FAM184B: variants seen among roughly 807,000 people sequenced by gnomAD.
The protein encoded by FAM184B is protein FAM184B.
A neutral mutation model predicts 135.9 loss-of-function variants in FAM184B; 111 were observed. That is an observed-to-expected ratio of 0.82 (90% CI 0.70 to 0.96). FAM184B has a LOEUF of 0.96. FAM184B is among the 40% of genes least tolerant of loss of function. The pLI, the probability that FAM184B is intolerant of heterozygous loss-of-function variation, is 0.00. For missense variants in FAM184B, 1,375 were observed against 1,323.9 expected (o/e 1.04, Z -0.60); for synonymous variants, 552 against 524.8 (o/e 1.05, Z -0.71).
chr4:17,640,940 GT>G (rs748595253), intron 13 of FAM184B, among the ~76,000 whole-genome samples: 110 of 152,140 alleles, frequency 7.2e-4, no homozygotes, highest in Non-Finnish European at 1.2e-3. Context: ...TGTTTTGTTT[GT>G]TTTGTTTTTT....
At chr4:17,674,674 T>G (rs1716271667) in intron 7 of FAM184B, among the ~76,000 whole-genome samples, 3 of 152,226 alleles carry the variant, frequency 2.0e-5, no homozygotes, top group Admixed American at 2.0e-4. Flanking sequence ...GAGGCAATCC[T>G]CTCAAACTGT....
At chr4:17,756,695 A>G (rs934505657) in intron 1 of FAM184B, among the ~76,000 whole-genome samples, 2 of 152,122 alleles carry the variant, frequency 1.3e-5, no homozygotes, top group African/African-American at 4.8e-5. Context: ...AAGGCTGAGG[A>G]GGGCAGATCA....
rs114752551 is a variant in FAM184B at position 17,779,624 on chromosome 4, A to C, written c.141+1535T>G. 4.8e-3 allele frequency among the ~76,000 whole-genome samples: 732 copies of C among 152,356 alleles called. 1 individual carries two copies. The highest frequency in any genetic ancestry group is 0.01 in the Middle Eastern group (3 of 294). ...ATATCTTACTAATTGTTATGCCATC[A>C]ACATTCAGCATAGCAGCTGGCACAT... On this transcript the variant is annotated intron_variant, in intron 1 of 17. Transcript: ENST00000265018.
chr4:17,719,516 T>C (rs914965393), intron 1 of FAM184B, among the ~76,000 whole-genome samples: 4 of 152,198 alleles, frequency 2.6e-5, no homozygotes, highest in East Asian at 1.9e-4. Flanking sequence ...TGTCTAGGGA[T>C]ATTTCAAGTA....
At position 17,652,991 on chromosome 4, in the gene FAM184B, A is replaced by G; in HGVS notation, c.2038-8T>C. On this transcript the variant is annotated splice_polypyrimidine_tract_variant and splice_region_variant and intron_variant, in intron 10 of 17. Transcript: ENST00000265018. ...CAAGCGTTCCTCTGTGGCCTGTGGG[A>G]AAAAGTGGGAACAAGAAGGCATGAA... is the stretch of plus-strand genomic sequence containing the variant. The G allele has an allele frequency of 6.4e-7, 1 of 1,550,956 alleles. No homozygotes were observed. Among genetic ancestry groups the G allele is most frequent in the Non-Finnish European group, 8.7e-7 (1 of 1,146,480 alleles).
At chr4:17,714,837 G>T (rs914290204) in intron 1 of FAM184B, among the ~76,000 whole-genome samples, 1 of 152,080 alleles carries the variant, frequency 6.6e-6, no homozygotes, top group African/African-American at 2.4e-5. Context: ...AATGTCTAAG[G>T]GCACTTTGGC....
intron 11 of FAM184B, among the ~76,000 whole-genome samples, chr4:17,649,827 CCTGTCCAT>C (rs1715561867): frequency 6.6e-6 from 1 of 150,976 alleles, no homozygotes; most frequent in Non-Finnish European, 1.5e-5. Flanking sequence ...CTTCTATCCA[CCTGTCCAT>C]CCATCCACCT....
At chr4:17,704,525 C>T (rs749626959) in intron 5 of FAM184B, among the ~76,000 whole-genome samples, 1 of 152,212 alleles carries the variant, frequency 6.6e-6, no homozygotes, top group Non-Finnish European at 1.5e-5. Flanking sequence ...TATTGTCATC[C>T]TCCATTTTAC....
Position 17,632,607 on chromosome 4 carries a change from C to A in FAM184B, c.3108G>T (p.Thr1036=), listed in dbSNP as rs773680468. 6.5e-7 allele frequency: 1 copy of A among 1,550,384 alleles called. No homozygotes were observed. The highest frequency in any genetic ancestry group is 8.7e-7 in the Non-Finnish European group (1 of 1,146,576). ...KTATRTPDGE[T]AQAKEVQQKQ... is the part of the protein sequence containing the mutation. Reference sequence around the variant, plus strand: ...TCTGCTGGACTTCTTTGGCTTGGGCCGTTTCACCATCTGGGGTCCTAAAAG... The same window carrying A: ...TCTGCTGGACTTCTTTGGCTTGGGCAGTTTCACCATCTGGGGTCCTAAAAG... Residue 1036 remains threonine (T), a synonymous_variant, in exon 18 of 18, where the codon ACG becomes ACT. Transcript: ENST00000265018.
At chr4:17,633,288 C>T (rs1345053160) in intron 17 of FAM184B, 1 of 158,344 alleles carries the variant, frequency 6.3e-6, no homozygotes, top group Non-Finnish European at 1.4e-5. Flanking sequence ...AGTAATAATA[C>T]TGAAACTATA....
intron 10 of FAM184B, among the ~76,000 whole-genome samples, chr4:17,654,999 T>C (rs907104692): frequency 1.3e-5 from 2 of 152,096 alleles, no homozygotes; most frequent in African/African-American, 4.8e-5. Context: ...CCACAGATGC[T>C]CACTACTCCA....
At chr4:17,696,683 T>C (rs1268833961) in intron 5 of FAM184B, among the ~76,000 whole-genome samples, 1 of 152,078 alleles carries the variant, frequency 6.6e-6, no homozygotes, top group African/African-American at 2.4e-5. Flanking sequence ...CTTGTTGGCA[T>C]GTACCTGTAG....
At chr4:17,645,757 C>T (rs1263437239) in intron 12 of FAM184B, among the ~76,000 whole-genome samples, 3 of 151,972 alleles carry the variant, frequency 2.0e-5, no homozygotes, top group African/African-American at 7.3e-5. Flanking sequence ...AGCTTCTGCA[C>T]AGCAAAAGAA....
intron 7 of FAM184B, among the ~76,000 whole-genome samples, chr4:17,677,254 C>T (rs1451007364): frequency 1.3e-5 from 2 of 152,036 alleles, no homozygotes; most frequent in Admixed American, 1.3e-4. Flanking sequence ...TGCCGTGTTG[C>T]CCAGGCTAGT....
rs1201200984 is a variant in FAM184B at position 17,692,422 on chromosome 4, TAGA to T, written c.1488+877_1488+879del. ...TTTTTTAAAATAATGATTTTAGAAATAGAAGGAGTTAGAGAAACATCACACCTG... is the reference window on the plus strand; with the variant it reads ...TTTTTTAAAATAATGATTTTAGAAATAGGAGTTAGAGAAACATCACACCTG... On this transcript the variant is annotated intron_variant, in intron 6 of 17. Transcript: ENST00000265018. 2.0e-5 allele frequency among the ~76,000 whole-genome samples: 3 copies of T among 152,232 alleles called. No homozygotes were observed. In the South Asian group the frequency reaches 6.2e-4, roughly 32 times the overall value.
intron 12 of FAM184B, among the ~76,000 whole-genome samples, chr4:17,646,622 C>G (rs1362295977): frequency 6.6e-6 from 1 of 152,016 alleles, no homozygotes; most frequent in Non-Finnish European, 1.5e-5. Context: ...GGAGATATAC[C>G]TAATGTAAAT....
intron 1 of FAM184B, among the ~76,000 whole-genome samples, chr4:17,710,335 C>CAAACAAAG (rs1481877948): frequency 6.6e-6 from 1 of 151,682 alleles, no homozygotes; most frequent in Non-Finnish European, 1.5e-5. Flanking sequence ...CAAAAACAAA[C>CAAACAAAG]AAACAAACAA....
At chr4:17,732,406 T>C (rs183520387) in intron 1 of FAM184B, among the ~76,000 whole-genome samples, 126 of 152,302 alleles carry the variant, frequency 8.3e-4, no homozygotes, top group African/African-American at 2.9e-3. Context: ...GAGCTGGTTT[T>C]TTGAAAAGAT....
chr4:17,707,510 C>T, intron 3 of FAM184B, 139 bp downstream of exon 3: 2 of 1,102,800 alleles, frequency 1.8e-6, no homozygotes, highest in Non-Finnish European at 2.5e-6. Flanking sequence ...AGGGATTGGT[C>T]TCACCCACCA....
Sources: allele counts gnomAD v4.1 joint callset (sites outside exome capture counted in the v4.1 genomes callset), GRCh38; gene constraint gnomAD v4.1.1; transcripts MANE v1.5; gene names NCBI Gene and HGNC (gene_info 2026-07-23, HGNC 2026-07-21).